TNPO1: variants seen among roughly 807,000 people sequenced by gnomAD.
TNPO1 encodes the protein transportin 1.
A neutral mutation model predicts 119.5 loss-of-function variants in TNPO1; 8 were observed. That is an observed-to-expected ratio of 0.07 (90% CI 0.04 to 0.12). The LOEUF is 0.12. TNPO1 is among the 10% of genes least tolerant of loss of function. TNPO1 has a pLI of 1.00. For synonymous variants in TNPO1, 362 were observed against 363.0 expected (o/e 1.00, Z 0.03); for missense variants, 576 against 1,089.8 (o/e 0.53, Z 6.64).
At chr5:72,838,062 A>G (rs189780180) in intron 1 of TNPO1, among the ~76,000 whole-genome samples, 8 of 152,304 alleles carry the variant, frequency 5.3e-5, no homozygotes, top group Admixed American at 2.0e-4. Flanking sequence ...TGGTTAGGTA[A>G]AACCTAATGC....
intron 4 of TNPO1, 59 bp downstream of exon 4, chr5:72,855,982 T>C: frequency 1.3e-6 from 2 of 1,529,010 alleles, no homozygotes; most frequent in Non-Finnish European, 1.8e-6. Context: ...TTTTTAGAGA[T>C]GACAGATTAT....
intron 1 of TNPO1, among the ~76,000 whole-genome samples, chr5:72,843,067 G>A (rs1297611441): frequency 6.6e-6 from 1 of 152,164 alleles, no homozygotes. Flanking sequence ...CTGCTCTCTG[G>A]AGGTGTCCTA....
At chr5:72,816,960 G>GCT in intron 1 of TNPO1, 1 of 543,896 alleles carries the variant, frequency 1.8e-6, no homozygotes, top group Non-Finnish European at 3.1e-6. Context: ...CCCGGGTAGG[G>GCT]AGCAGGCGAC....
At chr5:72,893,047 A>G (rs1749180445) in intron 15 of TNPO1, 92 bp from the exon 16 acceptor site, 8 of 928,800 alleles carry the variant, frequency 8.6e-6, no homozygotes. Context: ...AAGCTCATAA[A>G]TGATCAGGAT....
At chr5:72,870,405 G>A (rs1393269840) in intron 6 of TNPO1, among the ~76,000 whole-genome samples, 1 of 151,990 alleles carries the variant, frequency 6.6e-6, no homozygotes, top group Admixed American at 6.6e-5. Context: ...CAGGTGATCC[G>A]CCCACCGTAG....
chr5:72,889,542 C>G (rs186667726), intron 13 of TNPO1, among the ~76,000 whole-genome samples: 8 of 151,944 alleles, frequency 5.3e-5, no homozygotes, highest in Non-Finnish European at 8.8e-5. Flanking sequence ...AAGTCCCTGC[C>G]ATCTTGAGAC....
intron 4 of TNPO1, among the ~76,000 whole-genome samples, chr5:72,856,835 G>T (rs1172938515): frequency 6.6e-6 from 1 of 152,064 alleles, no homozygotes; most frequent in African/African-American, 2.4e-5. Context: ...CACACAACTG[G>T]CTATTGGTTA....
chr5:72,867,470 T>C (rs926382404), intron 6 of TNPO1, among the ~76,000 whole-genome samples: 13 of 152,222 alleles, frequency 8.5e-5, no homozygotes, highest in African/African-American at 2.7e-4. Context: ...AGGCAGTGAC[T>C]AAGCAATTTA....
intron 21 of TNPO1, chr5:72,900,735 T>C (rs999540846): frequency 1.7e-5 from 5 of 299,268 alleles, no homozygotes; most frequent in African/African-American, 1.1e-4. Context: ...AAATTAGTTA[T>C]CTACTTTATA....
At chr5:72,870,241 A>G (rs1214988807) in intron 6 of TNPO1, among the ~76,000 whole-genome samples, 1 of 141,722 alleles carries the variant, frequency 7.1e-6, no homozygotes, top group African/African-American at 2.6e-5. Flanking sequence ...GCTCACTGCA[A>G]CCTCCACCTC....
At chr5:72,824,704 G>T (rs1212066804) in intron 1 of TNPO1, among the ~76,000 whole-genome samples, 1 of 151,976 alleles carries the variant, frequency 6.6e-6, no homozygotes, top group Non-Finnish European at 1.5e-5. Flanking sequence ...TTGTTTATTT[G>T]TTTCTATCTA....
chr5:72,819,789 T>A (rs1389883274), intron 1 of TNPO1, among the ~76,000 whole-genome samples: 1 of 152,244 alleles, frequency 6.6e-6, no homozygotes, highest in African/African-American at 2.4e-5. Context: ...GCACCTTCTG[T>A]AATTATCTGT....
In TNPO1 at chr5:72,910,191, T is replaced by C. The variant is rs557726144; in HGVS notation, c.*1518T>C. Reference sequence around the variant, plus strand: ...TTGGTGGCCCTCTGTGCCCTAGATATATGCACACAGGGTGCAAGTTAAAAG... The same window carrying C: ...TTGGTGGCCCTCTGTGCCCTAGATACATGCACACAGGGTGCAAGTTAAAAG... On this transcript the variant is annotated 3_prime_UTR_variant, in exon 25 of 25. Coordinates refer to ENST00000337273, the MANE Select transcript of TNPO1 (RefSeq NM_002270.4). 2.2e-4 allele frequency: 33 copies of C among 152,744 alleles called. No homozygotes were observed. Among genetic ancestry groups the C allele is most frequent in the Admixed American group, 1.0e-3 (16 of 15,290 alleles). The allele number at this position is 152,744 out of a possible 1,614,324, so 9.5% of individuals were successfully genotyped here. A position where few individuals can be genotyped will look rare whatever the true frequency, so the allele number is the denominator to read the frequency against.
chr5:72,871,949 G>A (rs183967138), intron 6 of TNPO1: 1 of 152,146 alleles, frequency 6.6e-6, no homozygotes, highest in Non-Finnish European at 1.5e-5. Context: ...TGACAACAAA[G>A]GTCTTCATGT....
At chr5:72,879,648 C>T (rs992498285) in intron 9 of TNPO1, among the ~76,000 whole-genome samples, 6 of 152,126 alleles carry the variant, frequency 3.9e-5, no homozygotes, top group Non-Finnish European at 8.8e-5. Flanking sequence ...CCATGGGCCA[C>T]GGTACCCAGT....
At position 72,910,639 on chromosome 5, in the gene TNPO1, A is replaced by C. The variant is rs1412036512; in HGVS notation, c.*1966A>C. The C allele has an allele frequency of 1.3e-5, 2 of 152,568 alleles. No homozygotes were observed. The highest frequency in any genetic ancestry group is 2.9e-5 in the Non-Finnish European group (2 of 67,994). The allele number at this position is 152,568 out of a possible 1,614,324, so 9.5% of individuals were successfully genotyped here. A position where few individuals can be genotyped will look rare whatever the true frequency, so the allele number is the denominator to read the frequency against. On this transcript the variant is annotated 3_prime_UTR_variant, in exon 25 of 25. Coordinates refer to ENST00000337273, the MANE Select transcript of TNPO1 (RefSeq NM_002270.4). ...GAATAAATACTGAATAACCATTTTT[A>C]TAAGCAGTTGCTCCTCTTTGCATGG...
chr5:72,898,531 A>G (rs1749602204), intron 20 of TNPO1, among the ~76,000 whole-genome samples: 1 of 152,046 alleles, frequency 6.6e-6, no homozygotes, highest in Non-Finnish European at 1.5e-5. Flanking sequence ...TTTATTTCTT[A>G]CCCAAAAAAG....
At chr5:72,887,984 T>C (rs904424022) in intron 12 of TNPO1, 94 bp from the exon 13 acceptor site, 2 of 1,215,960 alleles carry the variant, frequency 1.6e-6, no homozygotes, top group Non-Finnish European at 2.3e-6. Context: ...AGAAATATTC[T>C]GAATTTTTTC....
chr5:72,884,361 C>T (rs1748467301), intron 11 of TNPO1, among the ~76,000 whole-genome samples: 2 of 152,078 alleles, frequency 1.3e-5, no homozygotes, highest in South Asian at 4.1e-4. Context: ...TCTCAAAAGG[C>T]TGTTTGTTTT....
Sources: gnomAD v4.1 joint callset for allele counts (sites outside exome capture counted in the v4.1 genomes callset) on GRCh38, gnomAD v4.1.1 for gene constraint, MANE v1.5 for transcripts, NCBI Gene and HGNC (gene_info 2026-07-23, HGNC 2026-07-21) for gene names.